ME2: variants seen among roughly 807,000 people sequenced by gnomAD.
ME2 encodes the protein NAD-dependent malic enzyme, mitochondrial.
In ME2, 60 loss-of-function variants were observed where a neutral mutation model predicts 73.7. The ratio of observed to expected loss-of-function variants is 0.81; its 90% CI spans 0.66 to 1.01. The LOEUF is 1.01. Among genes scored for constraint, ME2 ranks in the 50% least tolerant of loss-of-function variants. The probability of loss-of-function intolerance (pLI) is 0.00; values close to 1 mark genes in which losing one functional copy is unlikely to be tolerated. For synonymous variants in ME2, 199 were observed against 236.9 expected (o/e 0.84, Z 1.47); for missense variants, 594 against 705.5 (o/e 0.84, Z 1.79).
intron 1 of ME2, among the ~76,000 whole-genome samples, chr18:50,882,131 C>G (rs1916339816): frequency 6.6e-6 from 1 of 152,124 alleles, no homozygotes; most frequent in Non-Finnish European, 1.5e-5. Context: ...CTGAAGTAGC[C>G]AGGACTGCAG....
chr18:50,888,532 G>A (rs1286570709), intron 1 of ME2, among the ~76,000 whole-genome samples: 2 of 151,954 alleles, frequency 1.3e-5, no homozygotes, highest in African/African-American at 2.4e-5. Context: ...TAAGCTGAGT[G>A]ATATTGGACA....
At chr18:50,916,311 A>C in intron 5 of ME2, 68 bp downstream of exon 5, 15 of 1,236,184 alleles carry the variant, frequency 1.2e-5, no homozygotes, top group Non-Finnish European at 1.8e-5. Context: ...CTAAATCTCC[A>C]AGAACAGTTT....
intron 13 of ME2, 48 bp from the exon 14 acceptor site, chr18:50,939,522 C>A: frequency 1.5e-6 from 2 of 1,315,498 alleles, no homozygotes; most frequent in South Asian, 1.2e-5. Context: ...TTACTTCTTT[C>A]ATAATTTGAA....
At chr18:50,922,137 T>C (rs530883605) in intron 10 of ME2, among the ~76,000 whole-genome samples, 18 of 152,320 alleles carry the variant, frequency 1.2e-4, no homozygotes, top group African/African-American at 4.1e-4. Flanking sequence ...CAGTATTCTA[T>C]TAGTACAAAA....
rs777558651 is a variant in ME2 at position 50,912,896 on chromosome 18, C to G, written c.338C>G (p.Thr113Arg). ...GAGAGTTTAATGCCAATTGTATATACACCGACGGTTGGTCTTGCCTGCTCC... is the reference window on the plus strand; with the variant it reads ...GAGAGTTTAATGCCAATTGTATATAGACCGACGGTTGGTCTTGCCTGCTCC... ...DIESLMPIVY[T>R]PTVGLACSQY... Residue 113 changes from threonine (T) to arginine (R), a missense_variant, in exon 4 of 16, where the codon ACA (threonine) becomes AGA (arginine). Coordinates refer to ENST00000321341, the MANE Select transcript of ME2 (RefSeq NM_002396.5). 6.2e-7 allele frequency: 1 copy of G among 1,612,074 alleles called. No homozygotes were observed. The highest frequency in any genetic ancestry group is 8.5e-7 in the Non-Finnish European group (1 of 1,179,130).
chr18:50,902,620 C>G (rs1026902160), intron 2 of ME2, among the ~76,000 whole-genome samples: 3 of 152,176 alleles, frequency 2.0e-5, no homozygotes, highest in East Asian at 3.9e-4. Context: ...TGATCTCGAA[C>G]TCCTGACCTC....
intron 1 of ME2, among the ~76,000 whole-genome samples, chr18:50,894,178 G>T (rs1214260293): frequency 6.6e-6 from 1 of 152,202 alleles, no homozygotes; most frequent in Non-Finnish European, 1.5e-5. Context: ...GGATGGAAGT[G>T]GTATGGGAGG....
intron 1 of ME2, among the ~76,000 whole-genome samples, chr18:50,885,500 A>G (rs557714300): frequency 1.3e-5 from 2 of 152,210 alleles, no homozygotes; most frequent in Non-Finnish European, 2.9e-5. Flanking sequence ...CCTGAGTGAC[A>G]GAGTGAGATA....
intron 15 of ME2, among the ~76,000 whole-genome samples, chr18:50,946,611 A>G (rs1263014594): frequency 1.3e-5 from 2 of 152,178 alleles, no homozygotes; most frequent in Non-Finnish European, 2.9e-5. Flanking sequence ...ATCCTGATTT[A>G]TAATAATTAC....
chr18:50,918,329 A>G, intron 7 of ME2, 116 bp downstream of exon 7: 2 of 576,398 alleles, frequency 3.5e-6, no homozygotes, highest in Non-Finnish European at 5.9e-6. Context: ...GCAGGAGGCG[A>G]TTAAATTTTT....
intron 2 of ME2, among the ~76,000 whole-genome samples, chr18:50,900,803 C>A (rs1916871192): frequency 6.6e-6 from 1 of 152,078 alleles, no homozygotes; most frequent in African/African-American, 2.4e-5. Flanking sequence ...CTTCCCCCTT[C>A]GCTCAGCACT....
In ME2 at chr18:50,947,375, A is replaced by C; in HGVS notation, c.*191A>C. ...TTGATTGATTGCATTGCCCACCAGCACCCTACAGTCAGATAGTTGTGATGC... is the reference window on the plus strand; with the variant it reads ...TTGATTGATTGCATTGCCCACCAGCCCCCTACAGTCAGATAGTTGTGATGC... On this transcript the variant is annotated 3_prime_UTR_variant, in exon 16 of 16. Coordinates refer to ENST00000321341, the MANE Select transcript of ME2 (RefSeq NM_002396.5). 1 of 580,150 alleles carries C rather than the reference A, an allele frequency of 1.7e-6. No homozygotes were observed. Among genetic ancestry groups the C allele is most frequent in the Non-Finnish European group, 3.0e-6 (1 of 328,122 alleles). The allele number at this position is 580,150 out of a possible 1,614,324, so 35.9% of individuals were successfully genotyped here.
At chr18:50,894,905 G>A (rs1467590532) in intron 1 of ME2, among the ~76,000 whole-genome samples, 1 of 149,904 alleles carries the variant, frequency 6.7e-6, no homozygotes, top group Non-Finnish European at 1.5e-5. Context: ...TTTTTGAAAT[G>A]CCTCTGAATT....
chr18:50,930,455 AT>A (rs567550698), intron 12 of ME2, among the ~76,000 whole-genome samples: 1 of 152,180 alleles, frequency 6.6e-6, no homozygotes, highest in Admixed American at 6.5e-5. Flanking sequence ...CTAAAAAAAA[AT>A]CTTCATAGTT....
At chr18:50,892,323 T>G (rs1014984926) in intron 1 of ME2, among the ~76,000 whole-genome samples, 3 of 152,188 alleles carry the variant, frequency 2.0e-5, no homozygotes, top group African/African-American at 2.4e-5. Context: ...TGCAGTGAGC[T>G]ATGATTGTGC....
intron 15 of ME2, among the ~76,000 whole-genome samples, chr18:50,946,110 T>TTAAATAAA (rs10636386): frequency 0.44 from 64,935 of 148,780 alleles, 14,465 homozygotes; most frequent in South Asian, 0.57. Context: ...AGGCTCCATC[T>TTAAATAAA]TAAATAAATA....
intron 15 of ME2, among the ~76,000 whole-genome samples, chr18:50,945,881 A>C (rs116759670): frequency 0.029 from 4,459 of 152,242 alleles, 121 homozygotes; most frequent in African/African-American, 0.072. Context: ...AGCCTAGCCA[A>C]CATGGCAAAA....
rs184843815 is a variant in ME2, at chr18:50,916,539, A to T, written c.468+296A>T. ...TCTCCTTTTCTATTTCACTAATATT[A>T]TTCTAGGTAAAGAAAATACATTAAA... On this transcript the variant is annotated intron_variant, in intron 5 of 15. Transcript: ENST00000321341. The T allele has an allele frequency of 3.2e-5, 7 of 219,454 alleles. No individual in the cohort carries two copies. In the East Asian group the frequency reaches 6.8e-4, roughly 21 times the overall value. 13.6% of individuals were successfully genotyped at this position (219,454 alleles called of 1,614,324 possible).
rs1406783032 is a variant in ME2, at chr18:50,952,850, T to C, written c.*5666T>C. 3 of 152,230 alleles carry C rather than the reference T, an allele frequency of 2.0e-5. No homozygotes were observed. Among genetic ancestry groups the C allele is most frequent in the Non-Finnish European group, 4.4e-5 (3 of 68,046 alleles). The allele number at this position is 152,230 out of a possible 1,614,324, so 9.4% of individuals were successfully genotyped here. On this transcript the variant is annotated 3_prime_UTR_variant, in exon 16 of 16. Transcript: ENST00000321341. The stretch of plus-strand genomic sequence containing the variant: ...AAGTTTGTGGTTAATACCTACTCTA[T>C]ACCAGACACTGTTCTAAGGATCCGA...
Sources: allele counts gnomAD v4.1 joint callset (sites outside exome capture counted in the v4.1 genomes callset), GRCh38; gene constraint gnomAD v4.1.1; transcripts MANE v1.5; gene names NCBI Gene and HGNC (gene_info 2026-07-23, HGNC 2026-07-21).